KCNQ3: variants seen among roughly 807,000 people sequenced by gnomAD.
KCNQ3 encodes the protein potassium voltage-gated channel subfamily KQT member 3.
A neutral mutation model predicts 92.5 loss-of-function variants in KCNQ3; 30 were observed. The observed-to-expected ratio is 0.32, with a 90% CI of 0.24 to 0.44. The LOEUF is 0.44. KCNQ3 is among the 20% of genes least tolerant of loss of function. The pLI is 1.00. For missense variants in KCNQ3, 913 were observed against 1,140.3 expected (o/e 0.80, Z 2.87); for synonymous variants, 450 against 468.8 (o/e 0.96, Z 0.52).
intron 1 of KCNQ3, among the ~76,000 whole-genome samples, chr8:132,287,785 G>A (rs1290331390): frequency 6.6e-6 from 1 of 152,128 alleles, no homozygotes; most frequent in African/African-American, 2.4e-5. Context: ...AGGGACTGGG[G>A]AAAAATGAGA....
chr8:132,169,886 G>A (rs1163032362), intron 8 of KCNQ3, among the ~76,000 whole-genome samples: 1 of 151,138 alleles, frequency 6.6e-6, no homozygotes, highest in Non-Finnish European at 1.5e-5. Context: ...TTAATTTTTT[G>A]AGAAAGGGTC....
At chr8:132,278,026 T>G in intron 1 of KCNQ3, 1 of 985,366 alleles carries the variant, frequency 1.0e-6, no homozygotes, top group Non-Finnish European at 1.2e-6. Context: ...AATTCAAGGC[T>G]ACAGAGCTCA....
chr8:132,385,932 G>A (rs907520377), intron 1 of KCNQ3, among the ~76,000 whole-genome samples: 6 of 144,844 alleles, frequency 4.1e-5, no homozygotes, highest in African/African-American at 5.4e-5. Flanking sequence ...CACTCTATCC[G>A]GGCAAAAAAA....
intron 1 of KCNQ3, among the ~76,000 whole-genome samples, chr8:132,186,958 G>GAGAGAGAC (rs1826985880): frequency 1.6e-5 from 2 of 121,818 alleles, no homozygotes; most frequent in Admixed American, 8.1e-5. Flanking sequence ...GAGAGAGACA[G>GAGAGAGAC]AGAGAGAGAG....
rs745345051 is a variant in KCNQ3 at position 132,480,539 on chromosome 8, C to G, written c.-7G>C. On this transcript the variant is annotated 5_prime_UTR_variant, in exon 1 of 15. Coordinates refer to ENST00000388996, the MANE Select transcript of KCNQ3 (RefSeq NM_004519.4). ...TGCGCGCCTTGAGCCCCATCTGCCT[C>G]GCCCCCGCCGGCCGCTTCGCCTTCT... 2.4e-5 allele frequency: 30 copies of G among 1,249,592 alleles called. No homozygotes were observed. Among genetic ancestry groups the G allele is most frequent in the Middle Eastern group, 2.8e-4 (1 of 3,558 alleles). 77.4% of individuals were successfully genotyped at this position (1,249,592 alleles called of 1,614,324 possible).
intron 1 of KCNQ3, among the ~76,000 whole-genome samples, chr8:132,238,523 C>T (rs530901124): frequency 7.9e-5 from 12 of 152,150 alleles, no homozygotes; most frequent in East Asian, 3.9e-4. Flanking sequence ...ACTGTAGATC[C>T]GCTTTTTGTG....
chr8:132,258,895 A>G (rs1007368028), intron 1 of KCNQ3, among the ~76,000 whole-genome samples: 1 of 152,120 alleles, frequency 6.6e-6, no homozygotes, highest in East Asian at 1.9e-4. Context: ...AAAAAATTAG[A>G]TAACCTAGAT....
chr8:132,171,761 C>T (rs970959803), intron 7 of KCNQ3, among the ~76,000 whole-genome samples: 1 of 152,134 alleles, frequency 6.6e-6, no homozygotes, highest in African/African-American at 2.4e-5. Context: ...CTGACTCTTC[C>T]CTATGGGTCC....
intron 1 of KCNQ3, among the ~76,000 whole-genome samples, chr8:132,202,567 C>T (rs1175269485): frequency 6.6e-6 from 1 of 152,178 alleles, no homozygotes; most frequent in Non-Finnish European, 1.5e-5. Context: ...ATTTCTTCTG[C>T]CAGATATCCT....
chr8:132,137,877 T>C lies in KCNQ3; in HGVS notation c.1700+8A>G, dbSNP rs1411614251. On this transcript the variant is annotated splice_region_variant and intron_variant, in intron 12 of 14. Transcript: ENST00000388996. ...GGAGCGCAGTCCCTCCAGATGTGAC[T>C]GTCTCACCTCGTCTGAAGGTACTTT... The C allele has an allele frequency of 9.3e-6, 15 of 1,613,998 alleles. No homozygotes were observed. The highest frequency in any genetic ancestry group is 2.2e-5 in the South Asian group (2 of 91,082).
chr8:132,421,479 C>T lies in KCNQ3; in HGVS notation c.386+58668G>A, dbSNP rs998964572. ...AAGTTCTTCAAATCTACAGGAAGAGCGCAGAGGAGCAGAGGAAAGACAGGT... is the reference window on the plus strand; with the variant it reads ...AAGTTCTTCAAATCTACAGGAAGAGTGCAGAGGAGCAGAGGAAAGACAGGT... On this transcript the variant is annotated intron_variant, in intron 1 of 14. Transcript: ENST00000388996. Among the ~76,000 whole-genome samples, 5 of 152,046 alleles carry T rather than the reference C, an allele frequency of 3.3e-5. No homozygotes were observed. In the East Asian group the frequency reaches 5.8e-4, roughly 18 times the overall value.
At chr8:132,194,394 G>A (rs1281136044) in intron 1 of KCNQ3, among the ~76,000 whole-genome samples, 2 of 152,114 alleles carry the variant, frequency 1.3e-5, no homozygotes, top group African/African-American at 2.4e-5. Flanking sequence ...GTGTGCCAGG[G>A]GTTTCTTTAT....
At chr8:132,375,975 CT>C (rs1490316920) in intron 1 of KCNQ3, among the ~76,000 whole-genome samples, 1 of 152,176 alleles carries the variant, frequency 6.6e-6, no homozygotes, top group Non-Finnish European at 1.5e-5. Context: ...CTTTCAGCTC[CT>C]TGAGGGCAGG....
intron 1 of KCNQ3, among the ~76,000 whole-genome samples, chr8:132,367,941 T>A (rs1485108961): frequency 2.0e-5 from 3 of 152,128 alleles, no homozygotes; most frequent in African/African-American, 7.2e-5. Flanking sequence ...CTGACAAATA[T>A]TTTGACATTC....
rs187895886 is a variant in KCNQ3, at chr8:132,449,618, G to A, written c.386+30529C>T. 1.8e-4 allele frequency among the ~76,000 whole-genome samples: 28 copies of A among 152,192 alleles called. No homozygotes were observed. The East Asian group carries it at 4.6e-3, about 25-fold the overall frequency. On this transcript the variant is annotated intron_variant, in intron 1 of 14. Transcript: ENST00000388996. ...CTCAGATTCACCCCCCACACCATTG[G>A]CCCTGCCTGGGTCATGTGCTTACTC...
rs541931416 is a variant in KCNQ3, at chr8:132,387,394, A to G, written c.386+92753T>C. On this transcript the variant is annotated intron_variant, in intron 1 of 14. Coordinates refer to ENST00000388996, the MANE Select transcript of KCNQ3 (RefSeq NM_004519.4). ...TTTTAAAAATCAGTAGCATAGAAAG[A>G]TACTTTCTTAATATGGCAAGAATTA... Among the ~76,000 whole-genome samples, 4 of 152,350 alleles carry G rather than the reference A, an allele frequency of 2.6e-5. No homozygotes were observed. In the South Asian group the frequency reaches 8.3e-4, roughly 32 times the overall value.
intron 1 of KCNQ3, among the ~76,000 whole-genome samples, chr8:132,276,903 G>A (rs1477669599): frequency 2.0e-5 from 3 of 152,162 alleles, no homozygotes; most frequent in Non-Finnish European, 2.9e-5. Flanking sequence ...GTGAGGCCAA[G>A]ATGTCATAAT....
intron 1 of KCNQ3, among the ~76,000 whole-genome samples, chr8:132,384,615 G>A (rs1321934206): frequency 6.6e-6 from 1 of 152,074 alleles, no homozygotes; most frequent in Admixed American, 6.5e-5. Flanking sequence ...CATGTGTAAC[G>A]GCAACTTGGA....
intron 1 of KCNQ3, among the ~76,000 whole-genome samples, chr8:132,309,682 C>G (rs1395990432): frequency 2.6e-5 from 4 of 152,216 alleles, no homozygotes; most frequent in African/African-American, 7.2e-5. Context: ...GAACTAGTAA[C>G]TGCATGACCA....
Sources: gnomAD v4.1 joint callset for allele counts (sites outside exome capture counted in the v4.1 genomes callset) on GRCh38, gnomAD v4.1.1 for gene constraint, MANE v1.5 for transcripts, NCBI Gene and HGNC (gene_info 2026-07-23, HGNC 2026-07-21) for gene names.